NCAPG2: variants seen among roughly 807,000 people sequenced by gnomAD.
NCAPG2 encodes non-SMC condensin II complex subunit G2, also known as condensin-2 complex subunit G2.
Under a neutral mutation model 141.1 loss-of-function variants are expected in NCAPG2, and 53 were observed. The observed-to-expected ratio is 0.38, with a 90% CI of 0.30 to 0.47. The LOEUF is 0.47. Ranked by LOEUF, NCAPG2 falls within the 20% of genes least tolerant of loss-of-function variation. The pLI is 0.99. For missense variants in NCAPG2, 1,087 were observed against 1,389.0 expected, an observed-to-expected ratio of 0.78 and a Z score of 3.46; for synonymous variants, 499 against 490.7, an observed-to-expected ratio of 1.02 and a Z score of -0.22.
At chr7:158,678,924 C>T (rs1421165570) in intron 11 of NCAPG2, among the ~76,000 whole-genome samples, 1 of 152,136 alleles carries the variant, frequency 6.6e-6, no homozygotes, top group Non-Finnish European at 1.5e-5. Flanking sequence ...GATCATGGCT[C>T]ACTGTAGACT....
rs201698466 is a variant in NCAPG2 at position 158,654,622 on chromosome 7, G to T, written c.2719C>A (p.Gln907Lys). 1.7e-5 allele frequency: 27 copies of T among 1,613,960 alleles called. No individual in the cohort carries two copies. The highest frequency in any genetic ancestry group is 2.3e-5 in the Non-Finnish European group (27 of 1,179,988). Residue 907 changes from glutamine to lysine, a missense_variant, in exon 22 of 28, where the codon CAG (glutamine) becomes AAG (lysine). By Grantham distance (53) the Gln-to-Lys change is moderately conservative (BLOSUM62 1). Transcript: ENST00000356309. ...GTTTGCATGATTCCAAGACTCCGCT[G>T]TAAGAGTTGCATCTGAAACTGATGG... Reference protein sequence around the residue: ...GDHQFQMQLLQRSLGIMQTVK... With the variant: ...GDHQFQMQLLKRSLGIMQTVK...
intron 2 of NCAPG2, among the ~76,000 whole-genome samples, chr7:158,695,489 G>A (rs1402633401): frequency 6.6e-6 from 1 of 152,072 alleles, no homozygotes; most frequent in Non-Finnish European, 1.5e-5. Context: ...AGTGAGAGAG[G>A]TTCCAGTAAC....
intron 2 of NCAPG2, among the ~76,000 whole-genome samples, chr7:158,701,582 T>C (rs185320125): frequency 6.6e-6 from 1 of 152,364 alleles, no homozygotes; most frequent in Admixed American, 6.5e-5. Context: ...CTTTGTTAGA[T>C]GGGTCCTTTC....
chr7:158,696,020 G>C (rs1041345137), intron 2 of NCAPG2: 5 of 152,270 alleles, frequency 3.3e-5, no homozygotes, highest in African/African-American at 4.8e-5. Flanking sequence ...GTATCCTCTT[G>C]TGACTGGCAC....
chr7:158,672,929 C>G (rs902178627), intron 12 of NCAPG2, among the ~76,000 whole-genome samples: 16 of 152,212 alleles, frequency 1.1e-4, no homozygotes, highest in Non-Finnish European at 1.9e-4. Flanking sequence ...TTCCTCTACT[C>G]CAGAGCCCAC....
intron 27 of NCAPG2, among the ~76,000 whole-genome samples, chr7:158,641,743 C>T (rs1270143326): frequency 6.6e-6 from 1 of 152,084 alleles, no homozygotes; most frequent in Admixed American, 6.6e-5. Flanking sequence ...GACCTAACAA[C>T]AGAGCATCAA....
intron 11 of NCAPG2, among the ~76,000 whole-genome samples, chr7:158,678,970 A>G (rs1834274712): frequency 6.6e-6 from 1 of 152,100 alleles, no homozygotes; most frequent in Admixed American, 6.5e-5. Flanking sequence ...AGTAGCTGGG[A>G]CCACAGGCGT....
At chr7:158,658,248 T>A (rs763117187) in intron 17 of NCAPG2, 90 bp downstream of exon 17, 66 of 1,219,288 alleles carry the variant, frequency 5.4e-5, no homozygotes, top group Non-Finnish European at 6.2e-5. Context: ...GAAAGCTAAA[T>A]GTTATGGTCT....
chr7:158,678,921 G>A (rs1834269626), intron 11 of NCAPG2, among the ~76,000 whole-genome samples: 1 of 152,132 alleles, frequency 6.6e-6, no homozygotes, highest in Non-Finnish European at 1.5e-5. Context: ...TGTGATCATG[G>A]CTCACTGTAG....
intron 15 of NCAPG2, 29 bp from the exon 16 acceptor site, chr7:158,662,396 G>A: frequency 6.6e-7 from 1 of 1,522,012 alleles, no homozygotes. Flanking sequence ...TATTGTGAAA[G>A]GATCTAATCA....
chr7:158,653,978 C>T (rs905585634), intron 22 of NCAPG2, among the ~76,000 whole-genome samples: 7 of 151,834 alleles, frequency 4.6e-5, no homozygotes, highest in African/African-American at 1.7e-4. Context: ...GGCTAGGCGT[C>T]AGGGGCCAGG....
chr7:158,681,809 T>C (rs1056554463), intron 9 of NCAPG2, among the ~76,000 whole-genome samples: 5 of 152,190 alleles, frequency 3.3e-5, no homozygotes, highest in Non-Finnish European at 7.4e-5. Context: ...GCTTTCAGTA[T>C]ATTTAGAGCT....
At chr7:158,665,789 G>A (rs1213351583) in intron 13 of NCAPG2, among the ~76,000 whole-genome samples, 1 of 152,060 alleles carries the variant, frequency 6.6e-6, no homozygotes, top group Non-Finnish European at 1.5e-5. Flanking sequence ...TTCTTGCCAA[G>A]GTCATGATCT....
At position 158,658,398 on chromosome 7, in the gene NCAPG2, C is replaced by A. The variant is rs909272328; in HGVS notation, c.2000G>T (p.Cys667Phe). ...EYLKVFKDDRCKIPLFMLMSF... is the reference protein window; with the variant it reads ...EYLKVFKDDRFKIPLFMLMSF... ...CATTAGCATGAATAAAGGGATCTTG[C>A]AGCGATCATCCTAAAAGCGAAAAAA... Residue 667 changes from cysteine to phenylalanine, a missense_variant, in exon 17 of 28, where the codon TGC (cysteine) becomes TTC (phenylalanine). Transcript: ENST00000356309. The A allele has an allele frequency of 1.2e-6, 2 of 1,610,450 alleles. No homozygotes were observed. Among genetic ancestry groups the A allele is most frequent in the Non-Finnish European group, 8.5e-7 (1 of 1,178,086 alleles).
Position 158,675,477 on chromosome 7 carries a change from C to A in NCAPG2, c.1326G>T (p.Lys442Asn). ...SSADVRCSVF[K>N]CLPMILDNKL... ...ACTTACATAATTTAAAAAATCTTAC[C>A]TTAAAGACAGAACAACGAACATCAG... The change falls in exon 12 of 28, where the codon AAG (lysine) becomes AAT (asparagine). Residue 442 changes from lysine to asparagine, a missense_variant and splice_region_variant. Lys to Asn is a moderately conservative substitution (Grantham distance 94). Coordinates refer to ENST00000356309, the MANE Select transcript of NCAPG2 (RefSeq NM_017760.7). 1 of 1,587,340 alleles carries A rather than the reference C, an allele frequency of 6.3e-7. No individual in the cohort carries two copies.
intron 4 of NCAPG2, among the ~76,000 whole-genome samples, chr7:158,691,278 C>A (rs1308241995): frequency 6.6e-6 from 1 of 152,196 alleles, no homozygotes; most frequent in Non-Finnish European, 1.5e-5. Context: ...ATCTGAATGT[C>A]ATTACACTAA....
Position 158,642,303 on chromosome 7 carries a change from C to T in NCAPG2, c.3380+1986G>A, listed in dbSNP as rs144476948. Reference sequence around the variant, plus strand: ...TGGTAATCTCAGAACGTTAGGAGGCCGCAGGAGGCTTGTTTGAGCCCAGGA... The same window carrying T: ...TGGTAATCTCAGAACGTTAGGAGGCTGCAGGAGGCTTGTTTGAGCCCAGGA... On this transcript the variant is annotated intron_variant, in intron 27 of 27. Coordinates refer to ENST00000356309, the MANE Select transcript of NCAPG2 (RefSeq NM_017760.7). 7.4e-4 allele frequency among the ~76,000 whole-genome samples: 113 copies of T among 152,160 alleles called. No individual in the cohort carries two copies. In the East Asian group the frequency reaches 0.013, roughly 17 times the overall value.
Position 158,652,388 on chromosome 7 carries a change from C to T in NCAPG2, c.2839G>A (p.Val947Ile). The T allele has an allele frequency of 6.2e-7, 1 of 1,613,758 alleles. No individual in the cohort carries two copies. Among genetic ancestry groups the T allele is most frequent in the Non-Finnish European group, 8.5e-7 (1 of 1,179,820 alleles). The stretch of plus-strand genomic sequence containing the variant: ...TGGACTGTGTCCAACAGCATTGCAA[C>T]TTCTTCATCTGAATCTGTTTTCTGA... ...LIQKTDSDEE[V>I]AMLLDTVQKV... Residue 947 changes from valine to isoleucine, a missense_variant, in exon 23 of 28, where the codon GTT becomes ATT. Coordinates refer to ENST00000356309, the MANE Select transcript of NCAPG2 (RefSeq NM_017760.7).
chr7:158,638,196 G>A (rs1317630657), intron 27 of NCAPG2, among the ~76,000 whole-genome samples: 3 of 152,120 alleles, frequency 2.0e-5, no homozygotes, highest in African/African-American at 7.2e-5. Context: ...CCGAATCACT[G>A]CGTGGTTTTG....
Sources: gnomAD v4.1 joint callset for allele counts (sites outside exome capture counted in the v4.1 genomes callset) on GRCh38, gnomAD v4.1.1 for gene constraint, MANE v1.5 for transcripts, NCBI Gene and HGNC (gene_info 2026-07-23, HGNC 2026-07-21) for gene names.